The following STAU1 variants were observed in gnomAD, a reference collection of about 807,000 sequenced individuals.
STAU1 encodes staufen double-stranded RNA binding protein 1.
Under a neutral mutation model 62.9 loss-of-function variants are expected in STAU1, and 13 were observed. The observed-to-expected ratio is 0.21, with a 90% CI of 0.13 to 0.33. The LOEUF is 0.33. STAU1 is among the 10% of genes least tolerant of loss of function. STAU1 has a pLI of 1.00. For missense variants in STAU1, 571 were observed against 712.1 expected (o/e 0.80, Z 2.25); for synonymous variants, 269 against 265.1 (o/e 1.01, Z -0.14).
chr20:49,173,360 G>C (rs1173911215), intron 2 of STAU1, among the ~76,000 whole-genome samples: 1 of 152,104 alleles, frequency 6.6e-6, no homozygotes, highest in Non-Finnish European at 1.5e-5. Flanking sequence ...GGGAGGCTGA[G>C]GCAGGAGAAC....
chr20:49,120,454 ATGG>A (rs2092440735), intron 8 of STAU1, among the ~76,000 whole-genome samples: 1 of 152,234 alleles, frequency 6.6e-6, no homozygotes, highest in South Asian at 2.1e-4. Context: ...ACAGTCTGTG[ATGG>A]TGAACTACTG....
the STAU1 span, among the ~76,000 whole-genome samples, chr20:49,207,559 GGGTTGGAGAGCAGT>G: frequency 6.6e-6 from 1 of 152,138 alleles, no homozygotes; most frequent in African/African-American, 2.4e-5. Context: ...ACTGTTGCCT[GGGTTGGAGAGCAGT>G]GGTGTGATCT....
In STAU1 at chr20:49,117,443, T is replaced by C. The variant is rs905357107; in HGVS notation, c.1510-195A>G. Among the ~76,000 whole-genome samples the C allele has an allele frequency of 6.6e-6, 1 of 152,174 alleles. No individual in the cohort carries two copies. Among genetic ancestry groups the C allele is most frequent in the Non-Finnish European group, 1.5e-5 (1 of 68,018 alleles). On this transcript the variant is annotated intron_variant, in intron 11 of 13. Transcript: ENST00000371856. The surrounding 1 kb of genome is among the most constrained non-coding windows in gnomAD (Gnocchi z 4.6). ...AGGTGTCTGCTCAGAAGCCCAAGAC[T>C]GGGAGAAGCCATATCCTTTCCTACC... is the stretch of plus-strand genomic sequence containing the variant.
In STAU1 at chr20:49,124,452, G is replaced by A; in HGVS notation, c.745C>T (p.Leu249=). ...KNAAIAVLEE[L]KKLPPLPAVE... ...GCAGGCAGGGGCGGTAACTTCTTCA[G>A]CTCCTCAAGAACAGCTATGGCGGCA... The change falls in exon 7 of 14, where the codon CTG becomes TTG. Residue 249 remains leucine, a synonymous_variant. Coordinates refer to ENST00000371856, the MANE Select transcript of STAU1 (RefSeq NM_017453.4). 1 of 1,614,180 alleles carries A rather than the reference G, an allele frequency of 6.2e-7. No homozygotes were observed. Among genetic ancestry groups the A allele is most frequent in the Non-Finnish European group, 8.5e-7 (1 of 1,180,042 alleles).
intron 6 of STAU1, among the ~76,000 whole-genome samples, chr20:49,128,127 C>A (rs952613875): frequency 6.6e-6 from 1 of 150,638 alleles, no homozygotes; most frequent in Non-Finnish European, 1.5e-5. Flanking sequence ...CCAGCCTGGG[C>A]AACAAGAGCG....
chr20:49,148,893 G>T (rs1392135134), intron 5 of STAU1, among the ~76,000 whole-genome samples: 1 of 152,180 alleles, frequency 6.6e-6, no homozygotes, highest in Non-Finnish European at 1.5e-5. Context: ...GGGAAGTGCT[G>T]ACAGCTCTTA....
At chr20:49,133,945 A>C (rs1187457938) in intron 6 of STAU1, among the ~76,000 whole-genome samples, 1 of 152,230 alleles carries the variant, frequency 6.6e-6, no homozygotes, top group Admixed American at 6.5e-5. Context: ...GGTTAAGTTT[A>C]GGGTGCTAGC....
chr20:49,158,821 C>T (rs375911203), intron 3 of STAU1: 18 of 667,684 alleles, frequency 2.7e-5, no homozygotes, highest in African/African-American at 1.9e-4. Context: ...AAAAAAAAGC[C>T]GGGCGCGGTG....
chr20:49,206,751 A>ATATATATATTTT, the STAU1 span, among the ~76,000 whole-genome samples: 1 of 95,040 alleles, frequency 1.1e-5, no homozygotes, highest in African/African-American at 4.3e-5. Flanking sequence ...ATATATATAT[A>ATATATATATTTT]TTTTATTTTA....
chr20:49,176,912 G>GT (rs11368238), intron 1 of STAU1, among the ~76,000 whole-genome samples: 2,026 of 135,704 alleles, frequency 0.015, 54 homozygotes, highest in African/African-American at 0.044. Flanking sequence ...AGGGTGTCTA[G>GT]TTTTTTTTTT....
At chr20:49,204,606 ATATATATATATATATATGTG>A in the STAU1 span, among the ~76,000 whole-genome samples, 410 of 62,942 alleles carry the variant, frequency 6.5e-3, 4 homozygotes, top group East Asian at 0.018. Flanking sequence ...ATATATATAT[ATATATATATATATATATGTG>A]TATATATATA....
upstream of STAU1, among the ~76,000 whole-genome samples, chr20:49,191,675 A>G (rs775015658): frequency 6.6e-5 from 10 of 152,186 alleles, no homozygotes; most frequent in Non-Finnish European, 1.2e-4. Flanking sequence ...GCTGGCCTAA[A>G]TAAGTAATTC....
the STAU1 span, among the ~76,000 whole-genome samples, chr20:49,208,367 A>AT: frequency 1.3e-4 from 20 of 151,402 alleles, no homozygotes; most frequent in African/African-American, 4.1e-4. Context: ...CTATATATAT[A>AT]TTTTTTTGTA....
upstream of STAU1, among the ~76,000 whole-genome samples, chr20:49,192,548 G>T (rs2093832630): frequency 6.6e-6 from 1 of 152,082 alleles, no homozygotes; most frequent in African/African-American, 2.4e-5. Context: ...TATTGGCTAG[G>T]AAGGTTCCAT....
intron 3 of STAU1, among the ~76,000 whole-genome samples, chr20:49,165,522 G>T (rs1426827737): frequency 6.6e-6 from 1 of 151,664 alleles, no homozygotes; most frequent in Non-Finnish European, 1.5e-5. Flanking sequence ...TTTTTGTAGA[G>T]GCAGGGTTTC....
the STAU1 span, among the ~76,000 whole-genome samples, chr20:49,208,980 T>C: frequency 2.7e-5 from 4 of 150,056 alleles, no homozygotes; most frequent in Non-Finnish European, 5.9e-5. Context: ...CTGTCACCCA[T>C]GCTGGAGTGC....
chr20:49,205,941 T>C, the STAU1 span, among the ~76,000 whole-genome samples: 1 of 151,720 alleles, frequency 6.6e-6, no homozygotes, highest in Non-Finnish European at 1.5e-5. Context: ...CCCAAAGTGC[T>C]GGGATTACAG....
intron 6 of STAU1, chr20:49,134,882 C>T (rs781743793): frequency 3.5e-5 from 56 of 1,588,072 alleles, no homozygotes; most frequent in Non-Finnish European, 4.3e-5. Context: ...CTATTTACAA[C>T]AGCTAAGGCA....
chr20:49,202,420 C>T, the STAU1 span, among the ~76,000 whole-genome samples: 9 of 150,174 alleles, frequency 6.0e-5, no homozygotes, highest in South Asian at 2.1e-4. Context: ...AAAAATTAGC[C>T]GGGCTTGGTG....
Sources: allele counts gnomAD v4.1 joint callset (sites outside exome capture counted in the v4.1 genomes callset), GRCh38; gene constraint gnomAD v4.1.1; non-coding constraint Gnocchi (gnomAD v3.1); transcripts MANE v1.5; gene names NCBI Gene and HGNC (gene_info 2026-07-23, HGNC 2026-07-21).